Variants in CFTR observed in about 807,000 individuals in gnomAD.
CFTR encodes cystic fibrosis transmembrane conductance regulator.
In CFTR, 181 loss-of-function variants were observed where a neutral mutation model predicts 171.6. The observed-to-expected ratio is 1.05, with a 90% confidence interval of 0.93 to 1.19. The LOEUF (loss-of-function observed/expected upper bound fraction) is 1.19. Among genes scored for constraint, CFTR ranks in the 50% most tolerant of loss-of-function variants. The pLI is 0.00. For synonymous variants in CFTR, 583 were observed against 608.0 expected, an observed-to-expected ratio of 0.96 and a Z score of 0.60; for missense variants, 1,968 against 1,734.7, an observed-to-expected ratio of 1.13 and a Z score of -2.39.
chr7:117,641,658 A>C (rs1792915672), intron 22 of CFTR, among the ~76,000 whole-genome samples: 1 of 152,188 alleles, frequency 6.6e-6, no homozygotes, highest in African/African-American at 2.4e-5. Context: ...AGCTGACATC[A>C]GAACACAGAG....
chr7:117,642,511 A>G lies in CFTR; in HGVS notation c.3791A>G (p.Glu1264Gly), dbSNP rs1472139599. Residue 1264 changes from glutamate (E) to glycine (G), a missense_variant, in exon 23 of 27, where the codon GAA becomes GGA. Transcript: ENST00000003084. ...GCTTTTTTGAGACTACTGAACACTG[A>G]AGGAGAAATCCAGATCGATGGTGTG... ...LSAFLRLLNT[E>G]GEIQIDGVSW... 6.2e-7 allele frequency: 1 copy of G among 1,613,712 alleles called. No homozygotes were observed. The highest frequency in any genetic ancestry group is 1.7e-5 in the Admixed American group (1 of 59,962).
In CFTR at chr7:117,480,121, C is replaced by A; in HGVS notation, c.27C>A (p.Ala9=). 1 of 1,613,832 alleles carries A rather than the reference C, an allele frequency of 6.2e-7. No individual in the cohort carries two copies. The highest frequency in any genetic ancestry group is 8.5e-7 in the Non-Finnish European group (1 of 1,179,854). The change falls in exon 1 of 27, where the codon GCC becomes GCA. Residue 9 remains alanine, a synonymous_variant. Transcript: ENST00000003084. MQRSPLEK[A]SVVSKLFFSW... is the part of the protein sequence containing the mutation. The stretch of plus-strand genomic sequence containing the variant: ...TGCAGAGGTCGCCTCTGGAAAAGGC[C>A]AGCGTTGTCTCCAAACTTTTTTTCA...
At chr7:117,491,177 AT>A (rs1249892943) in intron 1 of CFTR, among the ~76,000 whole-genome samples, 1 of 152,038 alleles carries the variant, frequency 6.6e-6, no homozygotes, top group Non-Finnish European at 1.5e-5. Flanking sequence ...ACACAGTGGT[AT>A]TTGCATATCG....
intron 3 of CFTR, among the ~76,000 whole-genome samples, chr7:117,510,963 T>C (rs1486890903): frequency 1.3e-5 from 2 of 152,152 alleles, no homozygotes; most frequent in African/African-American, 2.4e-5. Context: ...AAGTTACACA[T>C]ATGGTAAGTT....
chr7:117,557,348 G>T (rs1799377703), intron 10 of CFTR, among the ~76,000 whole-genome samples: 2 of 152,070 alleles, frequency 1.3e-5, no homozygotes, highest in South Asian at 2.1e-4. Context: ...CCACATAAAA[G>T]AATATATTCG....
intron 10 of CFTR, among the ~76,000 whole-genome samples, chr7:117,556,730 G>A (rs1047984028): frequency 3.4e-5 from 5 of 147,228 alleles, no homozygotes; most frequent in East Asian, 2.0e-4. Flanking sequence ...CGTTTTAGCC[G>A]GGATGGTCTC....
At chr7:117,546,570 T>C (rs1293901136) in intron 9 of CFTR, among the ~76,000 whole-genome samples, 2 of 152,240 alleles carry the variant, frequency 1.3e-5, no homozygotes, top group African/African-American at 4.8e-5. Flanking sequence ...TTCTCTTTTC[T>C]TATTTCTGGT....
At chr7:117,646,425 A>G (rs1792996057) in intron 23 of CFTR, among the ~76,000 whole-genome samples, 2 of 152,146 alleles carry the variant, frequency 1.3e-5, no homozygotes, top group Admixed American at 1.3e-4. Context: ...GGGCATGAGG[A>G]TGTGGAGAGG....
intron 11 of CFTR, among the ~76,000 whole-genome samples, chr7:117,584,930 G>GTTTGT (rs144876830): frequency 1.7e-4 from 24 of 141,794 alleles, no homozygotes; most frequent in East Asian, 4.1e-4. Context: ...TTTTTTTTTT[G>GTTTGT]TTTGTTTTGT....
rs754314933 is a variant in CFTR at position 117,664,670 on chromosome 7, T to G, written c.3964-18T>G. On this transcript the variant is annotated intron_variant, in intron 24 of 26. Transcript: ENST00000003084. ...GTTTTTAACTCTGTGGTATCTGAAC[T>G]ATCTTCTCTAACTGCAGGTTGGGCT... is the stretch of plus-strand genomic sequence containing the variant. 6.2e-7 allele frequency: 1 copy of G among 1,612,016 alleles called. No homozygotes were observed. Among genetic ancestry groups the G allele is most frequent in the Admixed American group, 1.7e-5 (1 of 59,980 alleles).
intron 4 of CFTR, among the ~76,000 whole-genome samples, chr7:117,533,610 C>T (rs533172020): frequency 1.4e-3 from 206 of 152,152 alleles, no homozygotes; most frequent in African/African-American, 4.9e-3. Context: ...AATAGCAAAT[C>T]AATTCTTCAG....
intron 11 of CFTR, chr7:117,564,578 A>C (rs1172212265): frequency 6.0e-6 from 1 of 166,376 alleles, no homozygotes; most frequent in Non-Finnish European, 1.5e-5. Flanking sequence ...TTCTCTATGA[A>C]GCCCCGATCA....
At chr7:117,491,579 A>G (rs527332476) in intron 1 of CFTR, among the ~76,000 whole-genome samples, 6 of 151,986 alleles carry the variant, frequency 3.9e-5, no homozygotes, top group Non-Finnish European at 8.8e-5. Context: ...GTTTGCTAGA[A>G]ATCCTTGGCA....
intron 3 of CFTR, among the ~76,000 whole-genome samples, chr7:117,524,317 A>G (rs1419305168): frequency 6.6e-6 from 1 of 152,012 alleles, no homozygotes; most frequent in Non-Finnish European, 1.5e-5. Context: ...TCTAACATAG[A>G]TAGCACATGT....
intron 9 of CFTR, among the ~76,000 whole-genome samples, chr7:117,543,192 A>C (rs1799086047): frequency 6.6e-6 from 1 of 152,168 alleles, no homozygotes; most frequent in South Asian, 2.1e-4. Flanking sequence ...TCTTAATGTC[A>C]TACTTTGGAT....
chr7:117,591,349 C>G (rs1395037909), intron 13 of CFTR, among the ~76,000 whole-genome samples: 1 of 151,868 alleles, frequency 6.6e-6, no homozygotes, highest in African/African-American at 2.4e-5. Context: ...TTAGATGATT[C>G]TAGTCAGGAT....
chr7:117,614,389 TCAATC>T (rs1792451266), intron 20 of CFTR, among the ~76,000 whole-genome samples: 1 of 152,156 alleles, frequency 6.6e-6, no homozygotes, highest in Admixed American at 6.6e-5. Flanking sequence ...TTCCTAATAT[TCAATC>T]GCTCTTTGAT....
intron 1 of CFTR, among the ~76,000 whole-genome samples, chr7:117,503,515 A>G (rs17139994): frequency 0.015 from 2,244 of 152,234 alleles, 56 homozygotes; most frequent in African/African-American, 0.051. Flanking sequence ...CCTTATCCTC[A>G]ACAGTTAGAA....
intron 24 of CFTR, among the ~76,000 whole-genome samples, chr7:117,656,526 G>A (rs775914847): frequency 1.4e-4 from 22 of 152,104 alleles, no homozygotes; most frequent in African/African-American, 7.2e-5. Context: ...TATCCAACAG[G>A]TGGTTCATTA....
Sources: gnomAD v4.1 joint callset for allele counts (sites outside exome capture counted in the v4.1 genomes callset) on GRCh38, gnomAD v4.1.1 for gene constraint, MANE v1.5 for transcripts, NCBI Gene and HGNC (gene_info 2026-07-23, HGNC 2026-07-21) for gene names.